KDM5C: variants seen among roughly 807,000 people sequenced by gnomAD.
KDM5C encodes the protein lysine-specific demethylase 5C.
A neutral mutation model predicts 110.6 loss-of-function variants in KDM5C; 16 were observed. That is an observed-to-expected ratio of 0.14 (90% confidence interval 0.10 to 0.22). The LOEUF is 0.22. KDM5C is among the 10% of genes least tolerant of loss of function. KDM5C has a pLI of 1.00. For missense variants in KDM5C, 681 were observed against 1,300.9 expected, an observed-to-expected ratio of 0.52 and a Z score of 7.33; for synonymous variants, 511 against 520.4, an observed-to-expected ratio of 0.98 and a Z score of 0.24.
chrX:53,179,281 G>C (rs1253850120), intron 25 of KDM5C, among the ~76,000 whole-genome samples: 1 of 109,257 alleles, frequency 9.2e-6, no homozygotes, highest in African/African-American at 3.3e-5. Context: ...AGCCGAGATC[G>C]TGCCATTGCA....
At chrX:53,211,465 AGCTGACACG>A (rs1556848754) in intron 10 of KDM5C, 23 bp downstream of exon 10, 1 of 1,201,212 alleles carries the variant, frequency 8.3e-7, no homozygotes, top group South Asian at 1.8e-5. Flanking sequence ...AAGCTCACAC[AGCTGACACG>A]TAACCATGAA....
In KDM5C at chrX:53,193,586, C is replaced by T. The variant is rs782290534; in HGVS notation, c.4168G>A (p.Glu1390Lys). 1 of 1,212,075 alleles carries T rather than the reference C, an allele frequency of 8.3e-7. No homozygotes were observed. The highest frequency in any genetic ancestry group is 1.1e-6 in the Non-Finnish European group (1 of 895,548). ...LLPQLTGPVL[E>K]LPEATRAPLE... is the part of the protein sequence containing the mutation. ...GGGGCCCGGGTTGCCTCAGGCAGTT[C>T]CAACACAGGGCCAGTCAACTGTGGC... The change falls in exon 25 of 26, where the codon GAA (glutamate) becomes AAA (lysine). Residue 1390 changes from glutamate (E) to lysine (K), a missense_variant. By Grantham distance (56) the Glu-to-Lys change is moderately conservative (BLOSUM62 1). Around this residue, in one of 14 missense-constraint regions of KDM5C, gnomAD observed 88 missense variants for 85.6 expected, o/e 1.03. Transcript: ENST00000375401.
In KDM5C at chrX:53,192,873, G is replaced by GGCCCCCCCCCCC; in HGVS notation, c.*93_*94insGGGGGGGGGGGC. 1 of 230,674 alleles carries GGCCCCCCCCCCC rather than the reference G, an allele frequency of 4.3e-6. No homozygotes were observed. Among genetic ancestry groups the GGCCCCCCCCCCC allele is most frequent in the Non-Finnish European group, 6.3e-6 (1 of 159,373 alleles). 19.0% of individuals were successfully genotyped at this position (230,674 alleles called of 1,213,427 possible). A position where few individuals can be genotyped will look rare whatever the true frequency, so the allele number is the denominator to read the frequency against. ...AGCAGGGATGGCCACCCCCCTACCCGCCCACCCCCCAAGAAGCAGGCTTGA... is the reference window on the plus strand; with the variant it reads ...AGCAGGGATGGCCACCCCCCTACCCGGCCCCCCCCCCCCCCACCCCCCAAGAAGCAGGCTTGA... On this transcript the variant is annotated 3_prime_UTR_variant, in exon 26 of 26. Coordinates refer to ENST00000375401, the MANE Select transcript of KDM5C (RefSeq NM_004187.5).
In KDM5C at chrX:53,225,181, G is replaced by A; in HGVS notation, c.-292C>T. 2.9e-6 allele frequency: 1 copy of A among 345,234 alleles called. No individual in the cohort carries two copies. Among genetic ancestry groups the A allele is most frequent in the Non-Finnish European group, 5.0e-6 (1 of 199,127 alleles). The allele number at this position is 345,234 out of a possible 1,213,427, so 28.5% of individuals were successfully genotyped here. A position where few individuals can be genotyped will look rare whatever the true frequency, so the allele number is the denominator to read the frequency against. ...TACCTCCCAAACGCCGCGGCCTTCAGCGCCGCCGCCGCCATCTTGGTTTGT... is the reference window on the plus strand; with the variant it reads ...TACCTCCCAAACGCCGCGGCCTTCAACGCCGCCGCCGCCATCTTGGTTTGT... On this transcript the variant is annotated 5_prime_UTR_variant, in exon 1 of 26. Transcript: ENST00000375401.
At chrX:53,223,822 G>A (rs187480264) in intron 1 of KDM5C, among the ~76,000 whole-genome samples, 8 of 111,554 alleles carry the variant, frequency 7.2e-5, no homozygotes, top group African/African-American at 2.6e-4. Flanking sequence ...CTACATCCTG[G>A]ACCAGAGGAG....
chrX:53,221,026 C>T, intron 1 of KDM5C, 110 bp from the exon 2 acceptor site: 1 of 633,183 alleles, frequency 1.6e-6, no homozygotes, highest in Non-Finnish European at 2.6e-6. Context: ...AACCTCTAGC[C>T]ACTCCAGACC....
chrX:53,179,234 CAAAA>C (rs59480334), intron 25 of KDM5C, among the ~76,000 whole-genome samples: 27 of 87,449 alleles, frequency 3.1e-4, no homozygotes, highest in African/African-American at 1.0e-3. Flanking sequence ...AACTCCGTCT[CAAAA>C]AAAAAAAAAA....
chrX:53,213,394 C>T (rs1197868134), intron 8 of KDM5C, among the ~76,000 whole-genome samples: 3 of 111,931 alleles, frequency 2.7e-5, no homozygotes, highest in South Asian at 3.7e-4. Context: ...TGTGCACACC[C>T]GGTCTCTACA....
chrX:53,200,604 C>T (rs1414060707), intron 14 of KDM5C, among the ~76,000 whole-genome samples: 1 of 111,759 alleles, frequency 8.9e-6, no homozygotes, highest in Non-Finnish European at 1.9e-5. Context: ...CCCCAGACTT[C>T]CAACACTACT....
chrX:53,208,805 CTTTTTTT>C (rs782216325), intron 12 of KDM5C, among the ~76,000 whole-genome samples: 6 of 22,163 alleles, frequency 2.7e-4, no homozygotes, highest in African/African-American at 4.0e-4. Context: ...ACACCCGGCT[CTTTTTTT>C]TTTTTTTTTT....
chrX:53,190,854 A>G (rs782686136), downstream of KDM5C, among the ~76,000 whole-genome samples: 19 of 111,831 alleles, frequency 1.7e-4, no homozygotes, highest in Non-Finnish European at 3.4e-4. Context: ...TTCAGATGAG[A>G]AAGCAAAATA....
intron 25 of KDM5C, among the ~76,000 whole-genome samples, chrX:53,181,626 A>T (rs1407330647): frequency 1.1e-5 from 1 of 91,985 alleles, no homozygotes; most frequent in East Asian, 3.7e-4. Flanking sequence ...TAGCTAATTT[A>T]TACTGGCAGA....
chrX:53,182,093 T>TG (rs1385173381), intron 25 of KDM5C, among the ~76,000 whole-genome samples: 1 of 105,120 alleles, frequency 9.5e-6, no homozygotes, highest in Non-Finnish European at 1.9e-5. Context: ...TTGTTTTTTT[T>TG]TTTTTTTTGA....
At chrX:53,196,529 T>A (rs1934866259) in intron 19 of KDM5C, among the ~76,000 whole-genome samples, 157 bp downstream of exon 19, 1 of 111,934 alleles carries the variant, frequency 8.9e-6, no homozygotes, top group African/African-American at 3.2e-5. Flanking sequence ...AGTTGTTTTT[T>A]AAAAAAACGA....
At chrX:53,204,554 T>G in intron 12 of KDM5C, among the ~76,000 whole-genome samples, 1 of 110,782 alleles carries the variant, frequency 9.0e-6, no homozygotes, top group Non-Finnish European at 1.9e-5. Flanking sequence ...TGGAGTGCAG[T>G]GGTGTGATCT....
At chrX:53,185,647 G>C (rs927347556) in intron 25 of KDM5C, among the ~76,000 whole-genome samples, 1 of 110,491 alleles carries the variant, frequency 9.1e-6, no homozygotes, top group Non-Finnish European at 1.9e-5. Context: ...CCAAAGAGAA[G>C]TTGGGTCTCG....
At chrX:53,183,157 G>A (rs1222698020) in intron 25 of KDM5C, among the ~76,000 whole-genome samples, 1 of 107,711 alleles carries the variant, frequency 9.3e-6, no homozygotes, top group Non-Finnish European at 1.9e-5. Context: ...GGGCACAGTG[G>A]CTCACACCTG....
At chrX:53,185,194 T>G (rs2146792886) in intron 25 of KDM5C, among the ~76,000 whole-genome samples, 1 of 112,199 alleles carries the variant, frequency 8.9e-6, no homozygotes, top group South Asian at 3.7e-4. Context: ...CAGTGTCCCT[T>G]ACAGTTGGGT....
downstream of KDM5C, among the ~76,000 whole-genome samples, chrX:53,186,951 A>G (rs1436754550): frequency 1.8e-5 from 2 of 112,498 alleles, no homozygotes; most frequent in Non-Finnish European, 3.8e-5. Context: ...GGGCAGAGAT[A>G]TTCACGTCCC....
Sources: allele counts gnomAD v4.1 joint callset (sites outside exome capture counted in the v4.1 genomes callset), GRCh38; gene constraint gnomAD v4.1.1; regional missense constraint gnomAD v4.1.1; transcripts MANE v1.5; gene names NCBI Gene and HGNC (gene_info 2026-07-23, HGNC 2026-07-21).